CELF2: variants seen among roughly 807,000 people sequenced by gnomAD.
CELF2 encodes the protein CUGBP Elav-like family member 2.
A neutral mutation model predicts 62.6 loss-of-function variants in CELF2; 8 were observed. The ratio of observed to expected loss-of-function variants is 0.13; its 90% CI spans 0.07 to 0.23. CELF2 has a LOEUF of 0.23. CELF2 is among the 10% of genes least tolerant of loss of function. The pLI is 1.00. For synonymous variants in CELF2, 258 were observed against 250.0 expected, an observed-to-expected ratio of 1.03 and a Z score of -0.30; for missense variants, 333 against 671.0, an observed-to-expected ratio of 0.50 and a Z score of 5.56.
At chr10:11,069,146 C>T (rs1158838535) in intron 1 of CELF2, among the ~76,000 whole-genome samples, 1 of 152,152 alleles carries the variant, frequency 6.6e-6, no homozygotes, top group African/African-American at 2.4e-5. Context: ...TTTCTTACTG[C>T]ATGACCCACA....
At chr10:11,084,694 A>G (rs1181856130) in intron 1 of CELF2, among the ~76,000 whole-genome samples, 1 of 152,208 alleles carries the variant, frequency 6.6e-6, no homozygotes, top group African/African-American at 2.4e-5. Context: ...TACTATTGAT[A>G]TAGAATTCTA....
chr10:10,506,269 C>CGTGTGTGTGTGTGTGTGTGT, the CELF2 span, among the ~76,000 whole-genome samples: 42 of 146,814 alleles, frequency 2.9e-4, no homozygotes, highest in South Asian at 9.0e-4. Context: ...AGATGCACTT[C>CGTGTGTGTGTGTGTGTGTGT]GTGTGTGTGT....
chr10:11,320,961 T>G (rs917868814), intron 10 of CELF2: 51 of 1,526,680 alleles, frequency 3.3e-5, no homozygotes, highest in Non-Finnish European at 4.2e-5. Context: ...CCACAGTGCA[T>G]TTGAATCACT....
intron 1 of CELF2, among the ~76,000 whole-genome samples, chr10:11,091,065 CT>C (rs1176107941): frequency 1.3e-5 from 2 of 152,164 alleles, no homozygotes; most frequent in African/African-American, 4.8e-5. Flanking sequence ...GAGTTACCTT[CT>C]GAAATTCCTT....
At chr10:10,833,210 G>C (rs2058020018) in intron 1 of CELF2, among the ~76,000 whole-genome samples, 2 of 152,182 alleles carry the variant, frequency 1.3e-5, no homozygotes, top group African/African-American at 4.8e-5. Flanking sequence ...TTTAAGCCCT[G>C]TTAGCATTAT....
intron 9 of CELF2, among the ~76,000 whole-genome samples, chr10:11,310,619 A>G (rs1184600299): frequency 1.3e-5 from 2 of 152,186 alleles, no homozygotes; most frequent in South Asian, 4.2e-4. Context: ...GAAAATGTTC[A>G]GGCCTTTTTT....
At chr10:10,547,673 TAGAG>T in the CELF2 span, among the ~76,000 whole-genome samples, 64 of 135,344 alleles carry the variant, frequency 4.7e-4, no homozygotes, top group South Asian at 7.4e-4. Context: ...ACCAAAAAGA[TAGAG>T]AGAGAGAGAG....
chr10:10,546,415 T>C, the CELF2 span, among the ~76,000 whole-genome samples: 1 of 152,232 alleles, frequency 6.6e-6, no homozygotes, highest in Non-Finnish European at 1.5e-5. Flanking sequence ...AACTAGTTAG[T>C]GCAGGTTTCC....
the CELF2 span, among the ~76,000 whole-genome samples, chr10:10,517,642 T>G: frequency 6.6e-6 from 1 of 152,100 alleles, no homozygotes; most frequent in Non-Finnish European, 1.5e-5. Flanking sequence ...GAGGCAATTT[T>G]CCCTGCAGCA....
chr10:11,246,112 A>G lies in CELF2; in HGVS notation c.355-3041A>G, dbSNP rs993928695. On this transcript the variant is annotated intron_variant, in intron 3 of 12. Coordinates refer to ENST00000633077, the MANE Select transcript of CELF2 (RefSeq NM_001326342.2). This position sits in a 1 kb window ranked among gnomAD's most constrained non-coding sequence, Gnocchi z 4.6. ...AATTTCCACCTGCCATCATCCACGC[A>G]TTTCACAGATGCATCTGAATGCTCA... Among the ~76,000 whole-genome samples the G allele has an allele frequency of 6.6e-6, 1 of 152,016 alleles. No individual in the cohort carries two copies. Among genetic ancestry groups the G allele is most frequent in the African/African-American group, 2.4e-5 (1 of 41,382 alleles).
At chr10:10,803,885 C>T (rs1325865547) in intron 1 of CELF2, among the ~76,000 whole-genome samples, 1 of 152,172 alleles carries the variant, frequency 6.6e-6, no homozygotes, top group Non-Finnish European at 1.5e-5. Context: ...TATACTCACT[C>T]CATGGGGCCA....
At chr10:11,325,049 C>T (rs545939519) in intron 11 of CELF2, among the ~76,000 whole-genome samples, 52 of 152,284 alleles carry the variant, frequency 3.4e-4, no homozygotes, top group African/African-American at 1.2e-3. Context: ...AGAGGAAAAG[C>T]GAGGGCAGCT....
rs1276930263 is a variant in CELF2 at position 11,017,971 on chromosome 10, G to A, written c.-119G>A. On this transcript the variant is annotated 5_prime_UTR_variant, in exon 1 of 13. Coordinates refer to ENST00000633077, the MANE Select transcript of CELF2 (RefSeq NM_001326342.2). This position sits in a 1 kb window ranked among gnomAD's most constrained non-coding sequence, Gnocchi z 5.5. Reference sequence around the variant, plus strand: ...CGAGGAGAGAATGTGACAAGTGCCGGCTCGGCGGCCGCCGGGGGAGGCCGC... The same window carrying A: ...CGAGGAGAGAATGTGACAAGTGCCGACTCGGCGGCCGCCGGGGGAGGCCGC... The A allele has an allele frequency of 5.1e-6, 5 of 988,882 alleles. No homozygotes were observed. Among genetic ancestry groups the A allele is most frequent in the Non-Finnish European group, 4.8e-6 (4 of 833,678 alleles). 61.3% of individuals were successfully genotyped at this position (988,882 alleles called of 1,614,324 possible).
intron 1 of CELF2, among the ~76,000 whole-genome samples, chr10:11,137,273 G>A (rs1049916713): frequency 6.6e-6 from 1 of 152,204 alleles, no homozygotes; most frequent in Non-Finnish European, 1.5e-5. Flanking sequence ...GGAGTCAATA[G>A]AGTAGAGTTA....
the CELF2 span, among the ~76,000 whole-genome samples, chr10:10,645,814 G>T: frequency 6.6e-6 from 1 of 152,170 alleles, no homozygotes; most frequent in East Asian, 1.9e-4. Flanking sequence ...ATGATTGAAG[G>T]CAAAGAAGAT....
intron 1 of CELF2, among the ~76,000 whole-genome samples, chr10:10,841,805 A>T (rs189402048): frequency 1.4e-4 from 22 of 152,250 alleles, no homozygotes; most frequent in Non-Finnish European, 2.2e-4. Flanking sequence ...TATCCACAAA[A>T]TAACTTTGCT....
At chr10:10,703,603 A>G in the CELF2 span, among the ~76,000 whole-genome samples, 2 of 152,234 alleles carry the variant, frequency 1.3e-5, no homozygotes, top group Admixed American at 6.5e-5. Flanking sequence ...ATGCGGAATG[A>G]TGTTGTTAAA....
intron 2 of CELF2, among the ~76,000 whole-genome samples, chr10:10,989,825 C>G (rs1439743032): frequency 6.6e-6 from 1 of 151,942 alleles, no homozygotes; most frequent in Non-Finnish European, 1.5e-5. Context: ...GACTAAAGCA[C>G]ATAAACTGAC....
chr10:11,245,011 C>T (rs1307385504), intron 3 of CELF2, among the ~76,000 whole-genome samples: 2 of 152,200 alleles, frequency 1.3e-5, no homozygotes, highest in Middle Eastern at 3.2e-3. Context: ...ACACTGCAAG[C>T]TCCATCACAA....
Sources: gnomAD v4.1 joint callset for allele counts (sites outside exome capture counted in the v4.1 genomes callset) on GRCh38, gnomAD v4.1.1 for gene constraint, Gnocchi (gnomAD v3.1) non-coding constraint, MANE v1.5 for transcripts, NCBI Gene and HGNC (gene_info 2026-07-23, HGNC 2026-07-21) for gene names.